SNX6: variants seen among roughly 807,000 people sequenced by gnomAD.
The protein encoded by SNX6 is sorting nexin 6.
Under a neutral mutation model 63.0 loss-of-function variants are expected in SNX6, and 34 were observed. That is an observed-to-expected ratio of 0.54 (90% confidence interval 0.41 to 0.72). The LOEUF is 0.72. Among genes scored for constraint, SNX6 ranks in the 30% least tolerant of loss-of-function variants. The pLI is 0.00. For synonymous variants in SNX6, 170 were observed against 164.2 expected, an observed-to-expected ratio of 1.04 and a Z score of -0.27; for missense variants, 398 against 471.4, an observed-to-expected ratio of 0.84 and a Z score of 1.44.
At chr14:34,567,264 A>G (rs1594689674) in intron 13 of SNX6, among the ~76,000 whole-genome samples, 1 of 151,884 alleles carries the variant, frequency 6.6e-6, no homozygotes, top group African/African-American at 2.4e-5. Context: ...AGGCAGGAGG[A>G]TCATTTGAGG....
At chr14:34,563,208 T>G (rs768299437) in intron 13 of SNX6, 33 bp from the exon 14 acceptor site, 1 of 1,591,292 alleles carries the variant, frequency 6.3e-7, no homozygotes, top group Non-Finnish European at 8.6e-7. Context: ...ATTACAAATT[T>G]TATTTCAAAC....
intron 7 of SNX6, among the ~76,000 whole-genome samples, chr14:34,596,882 T>C (rs1882623187): frequency 6.6e-6 from 1 of 151,856 alleles, no homozygotes; most frequent in Admixed American, 6.6e-5. Context: ...GTTGACCAGG[T>C]TGGTCTCGAA....
intron 8 of SNX6, among the ~76,000 whole-genome samples, chr14:34,590,746 T>C (rs1326528612): frequency 6.6e-6 from 1 of 152,220 alleles, no homozygotes; most frequent in Non-Finnish European, 1.5e-5. Context: ...TCAGGCATTC[T>C]ACTTCTAGGT....
At chr14:34,566,670 C>T (rs1308939467) in intron 13 of SNX6, among the ~76,000 whole-genome samples, 1 of 152,094 alleles carries the variant, frequency 6.6e-6, no homozygotes, top group African/African-American at 2.4e-5. Flanking sequence ...TTTAAAATCC[C>T]TCTCAATTCT....
At chr14:34,564,705 G>A (rs570656187) in intron 13 of SNX6, among the ~76,000 whole-genome samples, 1 of 151,876 alleles carries the variant, frequency 6.6e-6, no homozygotes, top group African/African-American at 2.4e-5. Flanking sequence ...GTGTGCACCT[G>A]TGTCCCAGCT....
At chr14:34,623,044 G>C (rs576756678) in intron 2 of SNX6, among the ~76,000 whole-genome samples, 13 of 152,260 alleles carry the variant, frequency 8.5e-5, no homozygotes, top group African/African-American at 3.1e-4. Flanking sequence ...TTCATTGCAA[G>C]GGATTATAAC....
chr14:34,598,806 G>A (rs1055661849), intron 6 of SNX6, among the ~76,000 whole-genome samples: 6 of 152,228 alleles, frequency 3.9e-5, no homozygotes, highest in South Asian at 4.1e-4. Flanking sequence ...ATCATTTGAC[G>A]CCAGGAGTTT....
rs762569007 is a variant in SNX6 at position 34,613,140 on chromosome 14, A to C, written c.55-3398T>G. ...GGCAGATTAGAGTAATGCAGCCACA[A>C]ACCAAACCAAGGACTGCTGCTGCTG... is the stretch of plus-strand genomic sequence containing the variant. On this transcript the variant is annotated intron_variant, in intron 2 of 13. Transcript: ENST00000362031. Among the ~76,000 whole-genome samples the C allele has an allele frequency of 3.5e-4, 53 of 152,140 alleles. 1 individual carries two copies. Among genetic ancestry groups the C allele is most frequent in the Admixed American group, 1.3e-4 (2 of 15,262 alleles).
chr14:34,587,005 T>C (rs557271892), intron 8 of SNX6, among the ~76,000 whole-genome samples: 1 of 66,004 alleles, frequency 1.5e-5, no homozygotes, highest in South Asian at 6.8e-4. Flanking sequence ...CAAGACTCTG[T>C]CTCAAAAAAA....
At chr14:34,584,265 T>C (rs987362034) in intron 9 of SNX6, among the ~76,000 whole-genome samples, 8 of 152,302 alleles carry the variant, frequency 5.3e-5, no homozygotes, top group Non-Finnish European at 8.8e-5. Context: ...GAGAAAGGCA[T>C]AGACTATGAA....
At chr14:34,579,963 T>A (rs957880362) in intron 10 of SNX6, among the ~76,000 whole-genome samples, 7 of 152,126 alleles carry the variant, frequency 4.6e-5, no homozygotes, top group South Asian at 2.1e-4. Context: ...GGCAGGCAGA[T>A]CACTTGACAT....
At chr14:34,568,464 C>T (rs577454611) in intron 11 of SNX6, among the ~76,000 whole-genome samples, 76 of 151,922 alleles carry the variant, frequency 5.0e-4, no homozygotes, top group Middle Eastern at 3.4e-3. Flanking sequence ...CTCTTGACCT[C>T]GTGATCCACC....
At chr14:34,621,772 C>G (rs1883629714) in intron 2 of SNX6, among the ~76,000 whole-genome samples, 1 of 152,158 alleles carries the variant, frequency 6.6e-6, no homozygotes, top group Non-Finnish European at 1.5e-5. Context: ...TCCTAAACAT[C>G]TCTTTACTAC....
chr14:34,571,777 T>C (rs1881463403), intron 11 of SNX6, among the ~76,000 whole-genome samples: 1 of 152,216 alleles, frequency 6.6e-6, no homozygotes, highest in Non-Finnish European at 1.5e-5. Context: ...CATCATCCAT[T>C]GAATATTTGC....
intron 3 of SNX6, among the ~76,000 whole-genome samples, chr14:34,608,401 G>A (rs1883101678): frequency 6.6e-6 from 1 of 152,124 alleles, no homozygotes; most frequent in African/African-American, 2.4e-5. Context: ...GGACTCAAGC[G>A]ATCATCCTGC....
chr14:34,605,540 TAACAAAGGCAAC>T, intron 5 of SNX6, 44 bp downstream of exon 5: 1 of 1,425,016 alleles, frequency 7.0e-7, no homozygotes, highest in Middle Eastern at 2.5e-4. Context: ...CAAGCACAAT[TAACAAAGGCAAC>T]AACAACCAAA....
intron 8 of SNX6, among the ~76,000 whole-genome samples, chr14:34,588,343 C>T (rs948728194): frequency 7.9e-5 from 12 of 152,056 alleles, no homozygotes; most frequent in Admixed American, 6.6e-5. Context: ...AGGCTGACCT[C>T]GAACTCCTGA....
intron 11 of SNX6, among the ~76,000 whole-genome samples, chr14:34,572,191 C>A (rs1027093295): frequency 6.6e-6 from 1 of 152,082 alleles, no homozygotes; most frequent in Non-Finnish European, 1.5e-5. Context: ...TACAGTGATA[C>A]CTTGTTGTAG....
intron 13 of SNX6, among the ~76,000 whole-genome samples, chr14:34,565,718 C>T (rs1318980582): frequency 1.4e-5 from 2 of 146,796 alleles, no homozygotes; most frequent in East Asian, 4.1e-4. Flanking sequence ...GAGACGGAGT[C>T]TCACTCTGTC....
Sources: allele counts gnomAD v4.1 joint callset (sites outside exome capture counted in the v4.1 genomes callset), GRCh38; gene constraint gnomAD v4.1.1; transcripts MANE v1.5; gene names NCBI Gene and HGNC (gene_info 2026-07-23, HGNC 2026-07-21).